Variants in CCSER1 observed in about 807,000 individuals in gnomAD.
CCSER1 encodes serine-rich coiled-coil domain-containing protein 1.
In CCSER1, 41 loss-of-function variants were observed where a neutral mutation model predicts 82.0. That is an observed-to-expected ratio of 0.50 (90% CI 0.39 to 0.65). The LOEUF is 0.65. CCSER1 is among the 30% of genes least tolerant of loss of function. The probability of loss-of-function intolerance (pLI) is 0.00; values close to 1 mark genes in which losing one functional copy is unlikely to be tolerated. For missense variants in CCSER1, 1,119 were observed against 1,064.2 expected (o/e 1.05, Z -0.72); for synonymous variants, 414 against 383.9 (o/e 1.08, Z -0.92).
intron 8 of CCSER1, among the ~76,000 whole-genome samples, chr4:90,893,494 G>T (rs1723238651): frequency 6.6e-6 from 1 of 152,048 alleles, no homozygotes; most frequent in Non-Finnish European, 1.5e-5. Context: ...CCAAAAACAA[G>T]GAGATGGGAG....
chr4:91,555,975 T>C (rs1762379009), intron 10 of CCSER1, among the ~76,000 whole-genome samples: 1 of 151,204 alleles, frequency 6.6e-6, no homozygotes, highest in African/African-American at 2.4e-5. Flanking sequence ...CCTTAATTAC[T>C]CCATTGTAGA....
intron 9 of CCSER1, among the ~76,000 whole-genome samples, chr4:91,085,346 T>C (rs1723270723): frequency 6.6e-6 from 1 of 152,166 alleles, no homozygotes; most frequent in African/African-American, 2.4e-5. Flanking sequence ...CCATTACTTT[T>C]AATGACAAAA....
At chr4:91,593,601 A>G (rs1764378095) in intron 10 of CCSER1, among the ~76,000 whole-genome samples, 1 of 150,876 alleles carries the variant, frequency 6.6e-6, no homozygotes. Flanking sequence ...CGTGAGCCAC[A>G]GCGCCCAGCC....
chr4:90,528,842 T>A (rs1053145150), intron 5 of CCSER1, among the ~76,000 whole-genome samples: 11 of 152,208 alleles, frequency 7.2e-5, no homozygotes, highest in Non-Finnish European at 1.5e-4. Flanking sequence ...AATTTTATTA[T>A]ATGTTATCAT....
At chr4:91,415,826 G>A (rs1259629533) in intron 10 of CCSER1, among the ~76,000 whole-genome samples, 2 of 152,018 alleles carry the variant, frequency 1.3e-5, no homozygotes, top group Admixed American at 1.3e-4. Flanking sequence ...TTTAATAGAG[G>A]ATTTTTGCAT....
intron 1 of CCSER1, among the ~76,000 whole-genome samples, chr4:90,156,911 T>C (rs1728327975): frequency 6.6e-6 from 1 of 152,212 alleles, no homozygotes; most frequent in African/African-American, 2.4e-5. Context: ...TTCGATCCTG[T>C]CATTATGATG....
chr4:90,180,122 A>T (rs897660768), intron 1 of CCSER1, among the ~76,000 whole-genome samples: 2 of 68,572 alleles, frequency 2.9e-5, no homozygotes, highest in Admixed American at 1.3e-4. Flanking sequence ...TTATGTAGTT[A>T]TATATATATA....
intron 5 of CCSER1, among the ~76,000 whole-genome samples, chr4:90,619,836 T>C (rs925606499): frequency 6.6e-6 from 1 of 152,106 alleles, no homozygotes; most frequent in Non-Finnish European, 1.5e-5. Flanking sequence ...CTACATTCAT[T>C]AATTCTGATT....
intron 10 of CCSER1, among the ~76,000 whole-genome samples, chr4:91,246,744 T>G (rs557479111): frequency 6.6e-6 from 1 of 152,008 alleles, no homozygotes; most frequent in Non-Finnish European, 1.5e-5. Context: ...TATATTAAAA[T>G]ATCTCATGTA....
intron 9 of CCSER1, among the ~76,000 whole-genome samples, chr4:90,975,288 C>T (rs529296273): frequency 4.8e-4 from 73 of 151,010 alleles, no homozygotes; most frequent in African/African-American, 1.6e-3. Flanking sequence ...AATTAGATAG[C>T]GGTTATGTTG....
At position 91,436,717 on chromosome 4, in the gene CCSER1, C is replaced by A. The variant is rs375223322; in HGVS notation, c.2218-161855C>A. Reference sequence around the variant, plus strand: ...ACCATGTTGTCTTCCAATAGTGAAACCATGAGTGGAGCTCAGCTAGGGAAA... The same window carrying A: ...ACCATGTTGTCTTCCAATAGTGAAAACATGAGTGGAGCTCAGCTAGGGAAA... On this transcript the variant is annotated intron_variant, in intron 10 of 10. Transcript: ENST00000509176. Among the ~76,000 whole-genome samples, 6 of 152,098 alleles carry A rather than the reference C, an allele frequency of 3.9e-5. No individual in the cohort carries two copies. In the East Asian group the frequency reaches 7.7e-4, roughly 20 times the overall value.
chr4:90,260,995 TG>T (rs1210266020), intron 1 of CCSER1, among the ~76,000 whole-genome samples: 1 of 152,092 alleles, frequency 6.6e-6, no homozygotes, highest in Non-Finnish European at 1.5e-5. Flanking sequence ...GGATTAGAGG[TG>T]TGAGGCACCA....
At chr4:90,359,572 T>C (rs941606664) in intron 3 of CCSER1, among the ~76,000 whole-genome samples, 1 of 151,720 alleles carries the variant, frequency 6.6e-6, no homozygotes, top group Non-Finnish European at 1.5e-5. Flanking sequence ...GCCCCATCTC[T>C]ACTGAAAATA....
chr4:90,748,755 T>A (rs369195787), intron 7 of CCSER1, among the ~76,000 whole-genome samples: 1 of 149,946 alleles, frequency 6.7e-6, no homozygotes, highest in Non-Finnish European at 1.5e-5. Context: ...GGTATCTCAT[T>A]GTGGTTTTGA....
At chr4:91,149,182 T>G (rs1729867186) in intron 10 of CCSER1, among the ~76,000 whole-genome samples, 2 of 152,062 alleles carry the variant, frequency 1.3e-5, no homozygotes, top group African/African-American at 4.8e-5. Flanking sequence ...TTCTAACTGG[T>G]GTGAGATGGT....
At chr4:90,283,890 T>C (rs1729342641) in intron 1 of CCSER1, among the ~76,000 whole-genome samples, 1 of 152,072 alleles carries the variant, frequency 6.6e-6, no homozygotes, top group Non-Finnish European at 1.5e-5. Flanking sequence ...TTTTAGTTTT[T>C]TGAGAAACCT....
intron 1 of CCSER1, among the ~76,000 whole-genome samples, chr4:90,252,296 A>G (rs1489193221): frequency 6.6e-6 from 1 of 151,900 alleles, no homozygotes; most frequent in African/African-American, 2.4e-5. Flanking sequence ...TGAGATGCTC[A>G]ACCTATATAT....
intron 6 of CCSER1, among the ~76,000 whole-genome samples, chr4:90,642,850 G>C (rs894617591): frequency 2.3e-4 from 34 of 150,748 alleles, no homozygotes; most frequent in African/African-American, 7.8e-4. Flanking sequence ...GCAAGACCCT[G>C]TCTCAAAAAT....
At chr4:90,959,079 T>C (rs1733802777) in intron 9 of CCSER1, among the ~76,000 whole-genome samples, 1 of 152,196 alleles carries the variant, frequency 6.6e-6, no homozygotes, top group African/African-American at 2.4e-5. Flanking sequence ...GAACAGAGAA[T>C]GTTAGAATAA....
Sources: gnomAD v4.1 joint callset for allele counts (sites outside exome capture counted in the v4.1 genomes callset) on GRCh38, gnomAD v4.1.1 for gene constraint, MANE v1.5 for transcripts, NCBI Gene and HGNC (gene_info 2026-07-23, HGNC 2026-07-21) for gene names.